The following GLIS3 variants were observed in gnomAD, a reference collection of about 807,000 sequenced individuals.
GLIS3 encodes GLIS family zinc finger 3.
Under a neutral mutation model 78.6 loss-of-function variants are expected in GLIS3, and 53 were observed. The ratio of observed to expected loss-of-function variants is 0.67; its 90% CI spans 0.54 to 0.85. The LOEUF is 0.85. Among genes scored for constraint, GLIS3 ranks in the 40% least tolerant of loss-of-function variants. GLIS3 has a pLI of 0.00. For missense variants in GLIS3, 1,703 were observed against 1,231.1 expected, an observed-to-expected ratio of 1.38 and a Z score of -5.74; for synonymous variants, 684 against 509.9, an observed-to-expected ratio of 1.34 and a Z score of -4.60.
At chr9:4,373,799 C>G in the GLIS3 span, among the ~76,000 whole-genome samples, 1 of 151,728 alleles carries the variant, frequency 6.6e-6, no homozygotes, top group South Asian at 2.1e-4. Context: ...TCCCGAGTAG[C>G]TGGGATTACA....
chr9:4,358,381 C>G, the GLIS3 span, among the ~76,000 whole-genome samples: 2 of 152,016 alleles, frequency 1.3e-5, no homozygotes, highest in Non-Finnish European at 2.9e-5. Context: ...TATCAGGTAC[C>G]AAGCAATGTC....
At chr9:3,924,597 G>A (rs1255726364) in intron 6 of GLIS3, among the ~76,000 whole-genome samples, 3 of 152,198 alleles carry the variant, frequency 2.0e-5, no homozygotes, top group Admixed American at 2.0e-4. Context: ...AGATCAGAGA[G>A]CCAAGATACA....
At chr9:4,227,435 G>A (rs1428178330) in intron 2 of GLIS3, among the ~76,000 whole-genome samples, 1 of 152,076 alleles carries the variant, frequency 6.6e-6, no homozygotes, top group African/African-American at 2.4e-5. Flanking sequence ...AGATTGTATT[G>A]ATCTCTCTGA....
the GLIS3 span, among the ~76,000 whole-genome samples, chr9:4,464,327 T>A: frequency 6.6e-6 from 1 of 151,908 alleles, no homozygotes; most frequent in South Asian, 2.1e-4. Flanking sequence ...CAAGCAGTAT[T>A]GATTTCAATT....
intron 9 of GLIS3, among the ~76,000 whole-genome samples, chr9:3,847,288 C>T (rs1819116078): frequency 6.6e-6 from 1 of 152,202 alleles, no homozygotes; most frequent in Non-Finnish European, 1.5e-5. Flanking sequence ...CCCAGATAAA[C>T]TTGTCTGTAA....
chr9:3,958,802 T>C (rs951401402), intron 4 of GLIS3, among the ~76,000 whole-genome samples: 5 of 152,186 alleles, frequency 3.3e-5, no homozygotes, highest in South Asian at 2.1e-4. Context: ...AAAGTATAAA[T>C]AGGAGTTCAA....
At chr9:3,894,964 G>C (rs1822718971) in intron 7 of GLIS3, among the ~76,000 whole-genome samples, 2 of 152,114 alleles carry the variant, frequency 1.3e-5, no homozygotes, top group Non-Finnish European at 2.9e-5. Flanking sequence ...TAGGTCATTT[G>C]CTAAGGTCAT....
chr9:4,029,757 C>G (rs1307412083), intron 4 of GLIS3, among the ~76,000 whole-genome samples: 1 of 152,134 alleles, frequency 6.6e-6, no homozygotes, highest in Non-Finnish European at 1.5e-5. Context: ...GTCTCCAGTT[C>G]CATCTATGTT....
At chr9:4,177,147 AAACAAAAC>A (rs1180427856) in intron 2 of GLIS3, among the ~76,000 whole-genome samples, 2 of 67,884 alleles carry the variant, frequency 2.9e-5, no homozygotes, top group East Asian at 5.1e-4. Context: ...AAACAAAACA[AAACAAAAC>A]AAAACAAAAC....
chr9:4,230,888 A>T (rs1159623898), intron 2 of GLIS3, among the ~76,000 whole-genome samples: 4 of 152,188 alleles, frequency 2.6e-5, no homozygotes, highest in African/African-American at 9.7e-5. Context: ...AATTTCATAG[A>T]ACAGTCATAC....
chr9:4,196,524 T>TC (rs1818866903), intron 2 of GLIS3, among the ~76,000 whole-genome samples: 1 of 152,146 alleles, frequency 6.6e-6, no homozygotes, highest in African/African-American at 2.4e-5. Context: ...GCAGCTTCAC[T>TC]CCTGAGGCCA....
chr9:3,850,163 G>T (rs1819338027), intron 9 of GLIS3, among the ~76,000 whole-genome samples: 1 of 152,200 alleles, frequency 6.6e-6, no homozygotes, highest in African/African-American at 2.4e-5. Context: ...AGGCTCCTGG[G>T]TGGTTATTAA....
chr9:4,461,920 A>G, the GLIS3 span, among the ~76,000 whole-genome samples: 1 of 152,224 alleles, frequency 6.6e-6, no homozygotes, highest in Non-Finnish European at 1.5e-5. Flanking sequence ...GAGAATGAGA[A>G]AGGGCTTTGT....
intron 7 of GLIS3, among the ~76,000 whole-genome samples, chr9:3,881,473 T>A (rs1371942328): frequency 6.6e-6 from 1 of 152,236 alleles, no homozygotes; most frequent in Non-Finnish European, 1.5e-5. Flanking sequence ...CTCTGTGCTC[T>A]ACTCTATGGT....
chr9:4,298,798 C>G (rs1286167434), intron 1 of GLIS3, among the ~76,000 whole-genome samples: 1 of 152,142 alleles, frequency 6.6e-6, no homozygotes, highest in Non-Finnish European at 1.5e-5. Context: ...ATCGCCGGGC[C>G]GGTACCCGCG....
intron 9 of GLIS3, among the ~76,000 whole-genome samples, chr9:3,836,671 C>T (rs981489965): frequency 1.8e-4 from 28 of 152,290 alleles, no homozygotes; most frequent in African/African-American, 6.5e-4. Flanking sequence ...GCCCCTAGGG[C>T]AACTCGCTCC....
At chr9:3,836,867 CCTCT>C (rs1014642382) in intron 9 of GLIS3, among the ~76,000 whole-genome samples, 1 of 152,218 alleles carries the variant, frequency 6.6e-6, no homozygotes, top group African/African-American at 2.4e-5. Flanking sequence ...TCTTCTTCTT[CCTCT>C]CTGTGACCCT....
intron 4 of GLIS3, among the ~76,000 whole-genome samples, chr9:3,951,611 TA>T (rs1174162509): frequency 6.6e-6 from 1 of 150,938 alleles, no homozygotes; most frequent in African/African-American, 2.4e-5. Flanking sequence ...AAATAAAAAA[TA>T]AAAAAAGGGA....
chr9:3,908,728 T>TTTTTTTC (rs1554644779), intron 6 of GLIS3, among the ~76,000 whole-genome samples: 1 of 138,276 alleles, frequency 7.2e-6, no homozygotes, highest in Admixed American at 7.4e-5. Flanking sequence ...TTTTTTTTTT[T>TTTTTTTC]GTACAGGATT....
Sources: allele counts gnomAD v4.1 joint callset (sites outside exome capture counted in the v4.1 genomes callset), GRCh38; gene constraint gnomAD v4.1.1; transcripts MANE v1.5; gene names NCBI Gene and HGNC (gene_info 2026-07-23, HGNC 2026-07-21).